Variants in DNAJC10 observed in about 807,000 individuals in gnomAD.
The protein encoded by DNAJC10 is endoplasmic reticulum disulfide reductase DNAJC10.
Under a neutral mutation model 115.0 loss-of-function variants are expected in DNAJC10, and 101 were observed. The ratio of observed to expected loss-of-function variants is 0.88; its 90% CI spans 0.75 to 1.04. The LOEUF (loss-of-function observed/expected upper bound fraction) is 1.04. DNAJC10 is among the 50% of genes least tolerant of loss of function. The pLI is 0.00. For missense variants in DNAJC10, 981 were observed against 928.8 expected (o/e 1.06, Z -0.73); for synonymous variants, 307 against 301.5 (o/e 1.02, Z -0.19).
intron 22 of DNAJC10, among the ~76,000 whole-genome samples, chr2:182,774,495 G>C (rs549185828): frequency 1.4e-4 from 21 of 152,286 alleles, no homozygotes; most frequent in African/African-American, 4.6e-4. Flanking sequence ...GAGCTGTGGT[G>C]GGCTCCACCC....
chr2:182,756,713 C>T (rs1442793644), intron 18 of DNAJC10, among the ~76,000 whole-genome samples: 1 of 151,864 alleles, frequency 6.6e-6, no homozygotes, highest in Non-Finnish European at 1.5e-5. Context: ...GGCAGAGTCT[C>T]GCTCTGGAGT....
chr2:182,754,897 G>A, intron 16 of DNAJC10, 106 bp from the exon 17 acceptor site: 2 of 1,280,190 alleles, frequency 1.6e-6, no homozygotes, highest in Non-Finnish European at 2.1e-6. Flanking sequence ...TTTAGAAATG[G>A]GTTTTTAAAA....
chr2:182,718,420 C>A, intron 3 of DNAJC10, 130 bp downstream of exon 3: 1 of 799,540 alleles, frequency 1.3e-6, no homozygotes, highest in Non-Finnish European at 1.8e-6. Flanking sequence ...AACTTGTATG[C>A]TAGAAACAAA....
chr2:182,773,545 C>G (rs1694622905), intron 22 of DNAJC10, among the ~76,000 whole-genome samples: 1 of 152,038 alleles, frequency 6.6e-6, no homozygotes, highest in Non-Finnish European at 1.5e-5. Context: ...CTTTTTTTCT[C>G]TAACTTTGTC....
intron 22 of DNAJC10, 66 bp downstream of exon 22, chr2:182,762,867 G>T: frequency 1.3e-6 from 2 of 1,500,416 alleles, no homozygotes; most frequent in South Asian, 1.3e-5. Context: ...GTTTCAGTCT[G>T]AGTAATGTTT....
intron 1 of DNAJC10, among the ~76,000 whole-genome samples, 153 bp from the exon 2 acceptor site, chr2:182,716,863 A>G (rs558977936): frequency 2.0e-5 from 3 of 152,304 alleles, no homozygotes; most frequent in Middle Eastern, 6.8e-3. Context: ...AGCTCGGGCC[A>G]CGGGCAGTTC....
At chr2:182,740,423 A>C (rs1181271628) in intron 12 of DNAJC10, 35 bp downstream of exon 12, 1 of 1,532,800 alleles carries the variant, frequency 6.5e-7, no homozygotes, top group Non-Finnish European at 8.7e-7. Context: ...AGTAGCAATG[A>C]ATGTTCGTAA....
At position 182,736,292 on chromosome 2, in the gene DNAJC10, A is replaced by G. The variant is rs1167410210; in HGVS notation, c.893A>G (p.Asp298Gly). 6.3e-7 allele frequency: 1 copy of G among 1,594,514 alleles called. No individual in the cohort carries two copies. The highest frequency in any genetic ancestry group is 8.5e-7 in the Non-Finnish European group (1 of 1,173,008). ...NVGWMDCATQ[D>G]NLCKSLDITT... ...GGATGGATGGACTGTGCCACCCAGG[A>G]TAACCTTTGTAAAAGCTTAGATATT... The change falls in exon 11 of 24, where the codon GAT becomes GGT. Residue 298 changes from aspartate (D) to glycine (G), a missense_variant. Physicochemically the swap from Asp to Gly is moderately conservative, Grantham distance 94. Transcript: ENST00000264065.
intron 14 of DNAJC10, among the ~76,000 whole-genome samples, chr2:182,750,678 A>T (rs1373388858): frequency 6.6e-6 from 1 of 152,202 alleles, no homozygotes; most frequent in African/African-American, 2.4e-5. Context: ...CTTAGGCTAC[A>T]TCTGTACAAT....
chr2:182,723,037 C>CTTTTT (rs372893280), intron 5 of DNAJC10, among the ~76,000 whole-genome samples: 14 of 105,788 alleles, frequency 1.3e-4, no homozygotes, highest in Non-Finnish European at 1.8e-4. Context: ...GCAAGGGTGG[C>CTTTTT]TTTTTTTTTT....
chr2:182,743,791 T>C (rs2105651169), intron 14 of DNAJC10, 79 bp downstream of exon 14: 3 of 989,130 alleles, frequency 3.0e-6, no homozygotes, highest in South Asian at 1.4e-5. Flanking sequence ...TTTTTAAACT[T>C]ATTTTTTACG....
intron 22 of DNAJC10, among the ~76,000 whole-genome samples, chr2:182,767,010 A>G (rs1694429672): frequency 6.6e-6 from 1 of 152,062 alleles, no homozygotes; most frequent in East Asian, 1.9e-4. Context: ...TACAGAAGGG[A>G]ATCAAGTAGA....
At position 182,787,324 on chromosome 2, in the gene DNAJC10, C is replaced by T. The variant is rs1184832492; in HGVS notation, c.*10192C>T. 1 of 152,198 alleles carries T rather than the reference C, an allele frequency of 6.6e-6. No individual in the cohort carries two copies. Among genetic ancestry groups the T allele is most frequent in the Non-Finnish European group, 1.5e-5 (1 of 68,076 alleles). 9.4% of individuals were successfully genotyped at this position (152,198 alleles called of 1,614,324 possible). A position where few individuals can be genotyped will look rare whatever the true frequency, so the allele number is the denominator to read the frequency against. ...TTGTGGCTTCTGCTGCTTTAAGGTT[C>T]TGGAATTATGGAAGAAAATAGGGTG... On this transcript the variant is annotated 3_prime_UTR_variant, in exon 24 of 24. Transcript: ENST00000264065.
At chr2:182,725,525 A>G (rs142698010) in intron 5 of DNAJC10, among the ~76,000 whole-genome samples, 140 of 152,344 alleles carry the variant, frequency 9.2e-4, no homozygotes, top group African/African-American at 3.3e-3. Context: ...CATACTGCTA[A>G]CATAGAGAAT....
At chr2:182,717,813 AC>A (rs1693033906) in intron 2 of DNAJC10, 127 bp from the exon 3 acceptor site, 2 of 250,532 alleles carry the variant, frequency 8.0e-6, no homozygotes, top group African/African-American at 4.5e-5. Context: ...GAAAAATAGA[AC>A]CTGGGGCATT....
chr2:182,729,993 A>G (rs1693400661), intron 8 of DNAJC10, 52 bp downstream of exon 8: 1 of 1,296,994 alleles, frequency 7.7e-7, no homozygotes, highest in African/African-American at 1.5e-5. Flanking sequence ...TGAAATCAGT[A>G]TTTTGTTTTT....
At chr2:182,737,031 T>G (rs1693602340) in intron 11 of DNAJC10, among the ~76,000 whole-genome samples, 1 of 152,224 alleles carries the variant, frequency 6.6e-6, no homozygotes, top group African/African-American at 2.4e-5. Flanking sequence ...ATTACAGGCG[T>G]GAGTCACCGC....
At chr2:182,754,239 C>G (rs1165310985) in intron 16 of DNAJC10, among the ~76,000 whole-genome samples, 1 of 152,124 alleles carries the variant, frequency 6.6e-6, no homozygotes, top group Non-Finnish European at 1.5e-5. Flanking sequence ...TTTTTCAAGA[C>G]TAATATAAAT....
intron 19 of DNAJC10, among the ~76,000 whole-genome samples, 160 bp downstream of exon 19, chr2:182,757,985 G>C (rs1207779529): frequency 6.6e-6 from 1 of 152,116 alleles, no homozygotes; most frequent in Non-Finnish European, 1.5e-5. Context: ...AAGATGAAAA[G>C]GGAGTATTGA....
Sources: gnomAD v4.1 joint callset for allele counts (sites outside exome capture counted in the v4.1 genomes callset) on GRCh38, gnomAD v4.1.1 for gene constraint, MANE v1.5 for transcripts, NCBI Gene and HGNC (gene_info 2026-07-23, HGNC 2026-07-21) for gene names.